Variants in DYNC2I1 observed in about 807,000 individuals in gnomAD.
DYNC2I1 encodes dynein 2 intermediate chain 1, also known as cytoplasmic dynein 2 intermediate chain 1.
Under a neutral mutation model 133.4 loss-of-function variants are expected in DYNC2I1, and 89 were observed. The ratio of observed to expected loss-of-function variants is 0.67; its 90% CI spans 0.56 to 0.80. DYNC2I1 has a LOEUF of 0.80. Among genes scored for constraint, DYNC2I1 ranks in the 30% least tolerant of loss-of-function variants. The pLI is 0.00. For missense variants in DYNC2I1, 1,291 were observed against 1,314.5 expected (o/e 0.98, Z 0.28); for synonymous variants, 504 against 484.3 (o/e 1.04, Z -0.54).
the DYNC2I1 span, among the ~76,000 whole-genome samples, chr7:158,847,562 G>A: frequency 1.3e-5 from 2 of 152,172 alleles, no homozygotes; most frequent in South Asian, 2.1e-4. Flanking sequence ...GTGGGATTCT[G>A]AGACAGATCA....
At chr7:158,880,036 G>T in intron 5 of DYNC2I1, 47 bp downstream of exon 5, 1 of 1,534,332 alleles carries the variant, frequency 6.5e-7, no homozygotes. Flanking sequence ...CCCGAGGCCG[G>T]CGCTTTCAGA....
chr7:158,857,941 C>T (rs1051634711), intron 1 of DYNC2I1, among the ~76,000 whole-genome samples: 2 of 152,064 alleles, frequency 1.3e-5, no homozygotes, highest in Non-Finnish European at 2.9e-5. Flanking sequence ...CAGGCAGGTG[C>T]CACTATGCCT....
downstream of DYNC2I1, among the ~76,000 whole-genome samples, chr7:158,957,720 C>G (rs373129109): frequency 1.1e-3 from 163 of 152,312 alleles, no homozygotes; most frequent in African/African-American, 3.8e-3. Context: ...GAGCATCGAG[C>G]CTCCCCGGGG....
chr7:158,926,784 TCAC>T (rs1849672116), intron 19 of DYNC2I1, among the ~76,000 whole-genome samples: 1 of 152,142 alleles, frequency 6.6e-6, no homozygotes, highest in Non-Finnish European at 1.5e-5. Flanking sequence ...GTTGATTAAG[TCAC>T]CAAGTGAAGA....
chr7:158,925,212 C>T (rs1177682637), intron 17 of DYNC2I1, among the ~76,000 whole-genome samples: 1 of 152,218 alleles, frequency 6.6e-6, no homozygotes, highest in Admixed American at 6.5e-5. Context: ...AGTGCTTCAT[C>T]TGGGTCCTCT....
chr7:158,864,876 C>T (rs891037796), intron 1 of DYNC2I1, among the ~76,000 whole-genome samples: 2 of 152,238 alleles, frequency 1.3e-5, no homozygotes, highest in African/African-American at 4.8e-5. Context: ...ACTTTAACCT[C>T]TGATGAGTGT....
chr7:158,953,642 A>C (rs1244498368), intron 4 of DYNC2I1, among the ~76,000 whole-genome samples: 1 of 152,180 alleles, frequency 6.6e-6, no homozygotes, highest in Non-Finnish European at 1.5e-5. Context: ...CCAGCTACTC[A>C]AGACGGCTGA....
intron 1 of DYNC2I1, among the ~76,000 whole-genome samples, chr7:158,868,156 T>C (rs1433096536): frequency 1.3e-5 from 2 of 152,160 alleles, no homozygotes; most frequent in Non-Finnish European, 2.9e-5. Context: ...GGGAATCAGC[T>C]TGACTTGTAA....
At chr7:158,863,714 C>T (rs866469518) in intron 1 of DYNC2I1, among the ~76,000 whole-genome samples, 3 of 19,206 alleles carry the variant, frequency 1.6e-4, no homozygotes, top group Non-Finnish European at 8.9e-5. Context: ...GTGGGGGGGG[C>T]GGTGAGCGGG....
At chr7:158,909,143 C>A (rs1847128724) in intron 11 of DYNC2I1, among the ~76,000 whole-genome samples, 1 of 151,730 alleles carries the variant, frequency 6.6e-6, no homozygotes, top group South Asian at 2.1e-4. Context: ...CCAGCCTGGC[C>A]AACATGGTGA....
chr7:158,867,441 C>A (rs1454399919), intron 1 of DYNC2I1, among the ~76,000 whole-genome samples: 2 of 152,210 alleles, frequency 1.3e-5, no homozygotes, highest in Non-Finnish European at 2.9e-5. Context: ...GCTGTGGCTG[C>A]ACTGGCAAAG....
chr7:158,860,249 C>T (rs926960856), intron 1 of DYNC2I1, among the ~76,000 whole-genome samples: 15 of 151,814 alleles, frequency 9.9e-5, no homozygotes, highest in Non-Finnish European at 2.1e-4. Flanking sequence ...AGTAGAGACA[C>T]GGTTTCACCA....
At chr7:158,899,924 G>A (rs1178353344) in intron 8 of DYNC2I1, among the ~76,000 whole-genome samples, 2 of 152,070 alleles carry the variant, frequency 1.3e-5, no homozygotes, top group African/African-American at 2.4e-5. Context: ...TATGTTGCTT[G>A]CAAGACAGGT....
rs555209019 is a variant in DYNC2I1 at position 158,945,534 on chromosome 7, G to T, written c.3003-47G>T. On this transcript the variant is annotated intron_variant, in intron 24 of 24. Transcript: ENST00000407559. This position sits in a 1 kb window ranked among gnomAD's most constrained non-coding sequence, Gnocchi z 4.1. ...TTTGAAGACTCAGACAGAACCGAAT[G>T]TCCCTTTGTGTGCACTGACCCTCTG... The T allele has an allele frequency of 6.5e-7, 1 of 1,545,952 alleles. No homozygotes were observed. Among genetic ancestry groups the T allele is most frequent in the Non-Finnish European group, 8.7e-7 (1 of 1,144,184 alleles).
chr7:158,870,551 C>G (rs842698), intron 2 of DYNC2I1, among the ~76,000 whole-genome samples: 33,136 of 134,422 alleles, frequency 0.25, 3,767 homozygotes, highest in Middle Eastern at 0.32. Flanking sequence ...TAATTTTTTG[C>G]GGGAGAGATG....
chr7:158,874,569 A>T (rs895399610), intron 3 of DYNC2I1, among the ~76,000 whole-genome samples: 1 of 152,128 alleles, frequency 6.6e-6, no homozygotes, highest in African/African-American at 2.4e-5. Context: ...CTGATCGTAG[A>T]CTAGACTCTC....
chr7:158,875,809 A>G (rs1843303059), intron 3 of DYNC2I1, among the ~76,000 whole-genome samples: 1 of 152,120 alleles, frequency 6.6e-6, no homozygotes, highest in African/African-American at 2.4e-5. Context: ...ATTTCCCTGG[A>G]GCTCACATTT....
Position 158,876,713 on chromosome 7 carries a change from GAA to G in DYNC2I1, c.573+25_573+26del, listed in dbSNP as rs763426073. The G allele has an allele frequency of 1.3e-5, 20 of 1,529,460 alleles. No homozygotes were observed. In the East Asian group the frequency reaches 3.5e-4, roughly 27 times the overall value. 94.7% of individuals were successfully genotyped at this position (1,529,460 alleles called of 1,614,324 possible). A position where few individuals can be genotyped will look rare whatever the true frequency, so the allele number is the denominator to read the frequency against. On this transcript the variant is annotated intron_variant, in intron 4 of 24. Coordinates refer to ENST00000407559, the MANE Select transcript of DYNC2I1 (RefSeq NM_018051.5). ...AAAGGTATACGAAGCAAGGCCTGGG[GAA>G]AAGTTTTCCAAATGTTGCCAAGTAA... is the stretch of plus-strand genomic sequence containing the variant.
chr7:158,886,335 T>C (rs1446212064), intron 6 of DYNC2I1, among the ~76,000 whole-genome samples: 19 of 152,048 alleles, frequency 1.2e-4, no homozygotes, highest in Non-Finnish European at 5.9e-5. Flanking sequence ...GGTTTCTCCA[T>C]GTTGGCCAGA....
Sources: allele counts gnomAD v4.1 joint callset (sites outside exome capture counted in the v4.1 genomes callset), GRCh38; gene constraint gnomAD v4.1.1; non-coding constraint Gnocchi (gnomAD v3.1); transcripts MANE v1.5; gene names NCBI Gene and HGNC (gene_info 2026-07-23, HGNC 2026-07-21).